The following PPFIBP1 variants were observed in gnomAD, a reference collection of about 807,000 sequenced individuals.
PPFIBP1 encodes the protein PPFIB scaffold protein 1.
Under a neutral mutation model 137.8 loss-of-function variants are expected in PPFIBP1, and 112 were observed. The observed-to-expected ratio is 0.81, with a 90% CI of 0.70 to 0.95. PPFIBP1 has a LOEUF of 0.95. PPFIBP1 is among the 40% of genes least tolerant of loss of function. The pLI is 0.00. For missense variants in PPFIBP1, 1,083 were observed against 1,196.6 expected, an observed-to-expected ratio of 0.91 and a Z score of 1.40; for synonymous variants, 378 against 417.3, an observed-to-expected ratio of 0.91 and a Z score of 1.15.
chr12:27,654,067 T>A (rs780581902), intron 7 of PPFIBP1, among the ~76,000 whole-genome samples: 2 of 152,224 alleles, frequency 1.3e-5, no homozygotes, highest in Non-Finnish European at 2.9e-5. Context: ...ATGTTATATA[T>A]GACGATAATT....
At chr12:27,556,194 T>G (rs1355623093) in intron 1 of PPFIBP1, among the ~76,000 whole-genome samples, 1 of 152,194 alleles carries the variant, frequency 6.6e-6, no homozygotes, top group Non-Finnish European at 1.5e-5. Context: ...CATGATTAAC[T>G]GTAAGATCCC....
chr12:27,565,400 G>A (rs2049558387), intron 1 of PPFIBP1, among the ~76,000 whole-genome samples: 1 of 152,138 alleles, frequency 6.6e-6, no homozygotes, highest in Non-Finnish European at 1.5e-5. Flanking sequence ...CACATTTTTG[G>A]AAATACTGTG....
intron 1 of PPFIBP1, among the ~76,000 whole-genome samples, chr12:27,558,337 C>T (rs2048870387): frequency 6.6e-6 from 1 of 150,956 alleles, no homozygotes; most frequent in African/African-American, 2.4e-5. Context: ...TTTGAATGAA[C>T]AGGGCTACTT....
At chr12:27,653,510 C>T (rs1316347195) in intron 7 of PPFIBP1, among the ~76,000 whole-genome samples, 1 of 151,142 alleles carries the variant, frequency 6.6e-6, no homozygotes, top group Non-Finnish European at 1.5e-5. Flanking sequence ...TCACTTGAAC[C>T]CTGGAGGCGA....
At chr12:27,667,809 T>C (rs1280322657) in intron 13 of PPFIBP1, among the ~76,000 whole-genome samples, 4 of 152,220 alleles carry the variant, frequency 2.6e-5, no homozygotes, top group Non-Finnish European at 1.5e-5. Flanking sequence ...GGCCTTTGGC[T>C]GGGACCTCAG....
intron 2 of PPFIBP1, among the ~76,000 whole-genome samples, chr12:27,591,390 G>T (rs1485101917): frequency 1.3e-5 from 2 of 152,176 alleles, no homozygotes; most frequent in Non-Finnish European, 2.9e-5. Flanking sequence ...CTTCCTCAAA[G>T]AAGTTGACAT....
At chr12:27,673,972 C>T (rs368513009) in intron 16 of PPFIBP1, 145 bp downstream of exon 16, 21 of 817,628 alleles carry the variant, frequency 2.6e-5, no homozygotes, top group East Asian at 1.1e-4. Context: ...TTAGGTTTAA[C>T]AGTAAATATT....
chr12:27,610,940 G>A (rs185828754), intron 2 of PPFIBP1, among the ~76,000 whole-genome samples: 1 of 150,788 alleles, frequency 6.6e-6, no homozygotes, highest in South Asian at 2.1e-4. Context: ...GTGAGGTGGG[G>A]AAAATAGGAA....
At chr12:27,612,328 GTTTT>G (rs1173958726) in intron 2 of PPFIBP1, among the ~76,000 whole-genome samples, 5 of 87,254 alleles carry the variant, frequency 5.7e-5, no homozygotes, top group Non-Finnish European at 8.6e-5. Flanking sequence ...CTTTATTGGT[GTTTT>G]TTTTTTTTTT....
chr12:27,600,377 A>G (rs2053834425), intron 2 of PPFIBP1, among the ~76,000 whole-genome samples: 1 of 151,794 alleles, frequency 6.6e-6, no homozygotes, highest in South Asian at 2.1e-4. Flanking sequence ...CAGAAGTTGC[A>G]GTGAGCTGAG....
At position 27,682,855 on chromosome 12, in the gene PPFIBP1, A is replaced by G. The variant is rs1011838127; in HGVS notation, c.2247+152A>G. 56 of 1,317,574 alleles carry G rather than the reference A, an allele frequency of 4.3e-5. No homozygotes were observed. In the African/African-American group the frequency reaches 7.2e-4, roughly 17 times the overall value. The allele number at this position is 1,317,574 out of a possible 1,614,324, so 81.6% of individuals were successfully genotyped here. A position where few individuals can be genotyped will look rare whatever the true frequency, so the allele number is the denominator to read the frequency against. On this transcript the variant is annotated intron_variant, in intron 24 of 29. Transcript: ENST00000228425. The stretch of plus-strand genomic sequence containing the variant: ...GAGGAGAGTGGCAGGCATATTTCCC[A>G]TGAGGCTGAAGTTGTAGCATTTGGT...
At chr12:27,619,376 C>T (rs1303751903) in intron 2 of PPFIBP1, among the ~76,000 whole-genome samples, 1 of 152,058 alleles carries the variant, frequency 6.6e-6, no homozygotes, top group East Asian at 1.9e-4. Flanking sequence ...AATGTTTAGT[C>T]ACAGACACAT....
chr12:27,660,754 T>C, intron 10 of PPFIBP1, 130 bp from the exon 11 acceptor site: 1 of 1,368,838 alleles, frequency 7.3e-7, no homozygotes, highest in Non-Finnish European at 9.7e-7. Flanking sequence ...AAATGTGCCC[T>C]TTTTAAAGAA....
chr12:27,587,622 CAAAA>C (rs35185831), intron 2 of PPFIBP1, among the ~76,000 whole-genome samples: 5 of 73,526 alleles, frequency 6.8e-5, no homozygotes, highest in African/African-American at 1.8e-4. Flanking sequence ...GACTCCATCT[CAAAA>C]AAAAAAAAAA....
At chr12:27,575,622 G>A (rs937410073) in intron 1 of PPFIBP1, among the ~76,000 whole-genome samples, 3 of 152,166 alleles carry the variant, frequency 2.0e-5, no homozygotes, top group African/African-American at 7.2e-5. Context: ...CCCAAATATA[G>A]ACTGGTTTCT....
chr12:27,592,390 T>C (rs987703025), intron 2 of PPFIBP1: 2 of 604,524 alleles, frequency 3.3e-6, no homozygotes, highest in African/African-American at 3.8e-5. Flanking sequence ...AAATAAACTA[T>C]TGGGGATTAT....
At chr12:27,591,275 T>A (rs1414097721) in intron 2 of PPFIBP1, among the ~76,000 whole-genome samples, 1 of 151,906 alleles carries the variant, frequency 6.6e-6, no homozygotes, top group African/African-American at 2.4e-5. Context: ...CACAGGATGG[T>A]AGTGCCAGCA....
At chr12:27,692,019 T>G in intron 28 of PPFIBP1, 91 bp downstream of exon 28, 3 of 1,099,852 alleles carry the variant, frequency 2.7e-6, no homozygotes, top group Admixed American at 2.5e-5. Flanking sequence ...TCAAGGACAT[T>G]TTCTTCAAAT....
intron 17 of PPFIBP1, among the ~76,000 whole-genome samples, chr12:27,674,482 G>A (rs535424800): frequency 2.0e-5 from 3 of 152,290 alleles, no homozygotes; most frequent in Middle Eastern, 3.4e-3. Context: ...AAGGGTAAGG[G>A]GTTTTGCTTT....
Sources: gnomAD v4.1 joint callset for allele counts (sites outside exome capture counted in the v4.1 genomes callset) on GRCh38, gnomAD v4.1.1 for gene constraint, MANE v1.5 for transcripts, NCBI Gene and HGNC (gene_info 2026-07-23, HGNC 2026-07-21) for gene names.